Variants in IL23R observed in about 807,000 individuals in gnomAD.
IL23R encodes the protein interleukin 23 receptor, also known as interleukin-23 receptor.
In IL23R, 34 loss-of-function variants were observed where a neutral mutation model predicts 56.9. That is an observed-to-expected ratio of 0.60 (90% confidence interval 0.45 to 0.80). IL23R has a LOEUF of 0.80. Among genes scored for constraint, IL23R ranks in the 30% least tolerant of loss-of-function variants. IL23R has a pLI of 0.00. For synonymous variants in IL23R, 230 were observed against 249.2 expected (o/e 0.92, Z 0.73); for missense variants, 635 against 730.0 (o/e 0.87, Z 1.50).
At chr1:67,193,456 T>C (rs1051842058) in intron 4 of IL23R, among the ~76,000 whole-genome samples, 1 of 152,224 alleles carries the variant, frequency 6.6e-6, no homozygotes, top group East Asian at 1.9e-4. Flanking sequence ...ATTTATTGAA[T>C]GAGTGATTAA....
chr1:67,261,244 T>C (rs1285909802), downstream of IL23R, among the ~76,000 whole-genome samples: 3 of 151,994 alleles, frequency 2.0e-5, no homozygotes, highest in Non-Finnish European at 4.4e-5. Flanking sequence ...GCATCCCTTA[T>C]TTGGATAATA....
intron 8 of IL23R, among the ~76,000 whole-genome samples, chr1:67,239,438 A>T (rs181707403): frequency 6.6e-6 from 1 of 151,952 alleles, no homozygotes; most frequent in African/African-American, 2.4e-5. Flanking sequence ...TAATTTTTGT[A>T]ATTTTTGTAG....
chr1:67,209,822 A>C (rs1053557878), intron 6 of IL23R, among the ~76,000 whole-genome samples: 4 of 152,188 alleles, frequency 2.6e-5, no homozygotes, highest in Non-Finnish European at 5.9e-5. Context: ...GCAAACAGAG[A>C]ACTGTTTCCT....
At chr1:67,263,351 A>C (rs544100279), downstream of IL23R, among the ~76,000 whole-genome samples, 25 of 152,064 alleles carry the variant, frequency 1.6e-4, no homozygotes, top group African/African-American at 5.8e-4. Flanking sequence ...CTCTCAAAGT[A>C]CTGGGAATTA....
intron 1 of IL23R, among the ~76,000 whole-genome samples, chr1:67,146,572 C>T (rs545267716): frequency 6.6e-6 from 1 of 152,322 alleles, no homozygotes; most frequent in African/African-American, 2.4e-5. Flanking sequence ...TAGTGCTACA[C>T]CCATAATCCT....
At chr1:67,222,102 CTTTTTTTTT>C (rs72241835) in intron 7 of IL23R, among the ~76,000 whole-genome samples, 89 of 58,900 alleles carry the variant, frequency 1.5e-3, no homozygotes, top group African/African-American at 5.3e-3. Context: ...TTCTTTCTTT[CTTTTTTTTT>C]TTTTTTTTTT....
At chr1:67,246,582 T>G (rs1652242399) in intron 9 of IL23R, among the ~76,000 whole-genome samples, 2 of 152,226 alleles carry the variant, frequency 1.3e-5, no homozygotes, top group Non-Finnish European at 2.9e-5. Flanking sequence ...CAGTAGTCAC[T>G]CAGGAGCAGA....
Position 67,169,378 on chromosome 1 carries a change from T to C in IL23R, c.107T>C (p.Val36Ala). The change falls in exon 3 of 11, where the codon GTA (valine) becomes GCA (alanine). Residue 36 changes from valine to alanine, a missense_variant. Physicochemically the swap from Val to Ala is moderately conservative, Grantham distance 64. Transcript: ENST00000347310. The part of the protein sequence containing the change: ...TNINCSGHIW[V>A]EPATIFKMGM... ...ATAAACTGCTCTGGCCACATCTGGG[T>C]AGAACCAGCCACAATTTTTAAGATG... The C allele has an allele frequency of 6.2e-7, 1 of 1,613,280 alleles. No individual in the cohort carries two copies. Among genetic ancestry groups the C allele is most frequent in the Non-Finnish European group, 8.5e-7 (1 of 1,179,434 alleles).
chr1:67,244,569 A>G (rs1184822461), intron 9 of IL23R, among the ~76,000 whole-genome samples: 1 of 152,032 alleles, frequency 6.6e-6, no homozygotes, highest in Non-Finnish European at 1.5e-5. Context: ...TAAATAGGGA[A>G]TCCTTTCCCT....
chr1:67,150,021 A>C (rs546454710), intron 1 of IL23R, among the ~76,000 whole-genome samples: 1 of 152,134 alleles, frequency 6.6e-6, no homozygotes, highest in Non-Finnish European at 1.5e-5. Flanking sequence ...ATTTTTCCTG[A>C]TATCTTTACA....
upstream of IL23R, among the ~76,000 whole-genome samples, chr1:67,162,232 G>T (rs1250065052): frequency 6.6e-6 from 1 of 151,742 alleles, no homozygotes; most frequent in Non-Finnish European, 1.5e-5. Flanking sequence ...TTGGGAGGCC[G>T]AGGCAGACGG....
chr1:67,182,075 G>C (rs377471044), intron 3 of IL23R, among the ~76,000 whole-genome samples: 3 of 152,192 alleles, frequency 2.0e-5, no homozygotes, highest in African/African-American at 7.2e-5. Context: ...GCTACTCAGA[G>C]GTCAGGGACC....
At chr1:67,234,506 C>A (rs1249770663) in intron 7 of IL23R, among the ~76,000 whole-genome samples, 1 of 152,032 alleles carries the variant, frequency 6.6e-6, no homozygotes, top group Non-Finnish European at 1.5e-5. Flanking sequence ...AGTTTCATTG[C>A]CAATAACTAC....
rs1650847896 is a variant in IL23R, at chr1:67,228,151, T to TTCCTTCCTTCCTTCC, written c.955+8422_955+8423insCCTTCCTTCCTTCCT. Among the ~76,000 whole-genome samples, 6 of 58,086 alleles carry TTCCTTCCTTCCTTCC rather than the reference T, an allele frequency of 1.0e-4. 1 individual carries two copies. The highest frequency in any genetic ancestry group is 4.2e-4 in the African/African-American group (5 of 11,984). 38.1% of individuals were successfully genotyped at this position (58,086 alleles called of 152,430 possible). On this transcript the variant is annotated intron_variant, in intron 7 of 10. Transcript: ENST00000347310. ...TTCCTTCTTTCTTTCTGTCTTTCTT[T>TTCCTTCCTTCCTTCC]TTCCTTCCTTCCTTCCTTCCTTCCT...
intron 6 of IL23R, among the ~76,000 whole-genome samples, chr1:67,217,040 A>T (rs1440620833): frequency 6.6e-6 from 1 of 152,224 alleles, no homozygotes; most frequent in Non-Finnish European, 1.5e-5. Context: ...GCCATGCCCC[A>T]TACTGATAGT....
At chr1:67,253,921 T>A (rs989989917) in intron 9 of IL23R, among the ~76,000 whole-genome samples, 1 of 152,118 alleles carries the variant, frequency 6.6e-6, no homozygotes, top group Non-Finnish European at 1.5e-5. Flanking sequence ...GTACTCTTTT[T>A]AAAAAGATAA....
chr1:67,236,693 C>G lies in IL23R; in HGVS notation c.956-20C>G. The G allele has an allele frequency of 6.5e-7, 1 of 1,534,108 alleles. No individual in the cohort carries two copies. Among genetic ancestry groups the G allele is most frequent in the South Asian group, 1.1e-5 (1 of 89,618 alleles). The stretch of plus-strand genomic sequence containing the variant: ...GAGTGCAAAATGTAAGAAACTGACA[C>G]TCTTTCCTTTTGGTTTAAGTTCCCC... On this transcript the variant is annotated intron_variant, in intron 7 of 10. Transcript: ENST00000347310.
At chr1:67,247,514 GGT>G (rs1483544579) in intron 9 of IL23R, among the ~76,000 whole-genome samples, 11 of 152,044 alleles carry the variant, frequency 7.2e-5, no homozygotes, top group African/African-American at 2.7e-4. Context: ...ATGTTGGTCA[GGT>G]AGGTCTCAAA....
intron 7 of IL23R, among the ~76,000 whole-genome samples, chr1:67,220,214 C>T (rs184890651): frequency 5.3e-5 from 8 of 151,874 alleles, no homozygotes; most frequent in Admixed American, 2.6e-4. Context: ...ACTAAAAATA[C>T]GAAAATTAGC....
Sources: allele counts gnomAD v4.1 joint callset (sites outside exome capture counted in the v4.1 genomes callset), GRCh38; gene constraint gnomAD v4.1.1; transcripts MANE v1.5; gene names NCBI Gene and HGNC (gene_info 2026-07-23, HGNC 2026-07-21).